The following NTN1 variants were observed in gnomAD, a reference collection of about 807,000 sequenced individuals.
NTN1 encodes netrin-1.
In NTN1, 11 loss-of-function variants were observed where a neutral mutation model predicts 54.2. The observed-to-expected ratio is 0.20, with a 90% CI of 0.13 to 0.34. The LOEUF (loss-of-function observed/expected upper bound fraction) is 0.34, where lower values mean the gene tolerates loss of function less well. NTN1 is among the 10% of genes least tolerant of loss of function. The probability of loss-of-function intolerance (pLI) is 1.00; values close to 1 mark genes in which losing one functional copy is unlikely to be tolerated. For synonymous variants in NTN1, 371 were observed against 382.0 expected, an observed-to-expected ratio of 0.97 and a Z score of 0.33; for missense variants, 740 against 893.1, an observed-to-expected ratio of 0.83 and a Z score of 2.18.
At chr17:9,072,054 C>T (rs1160288996) in intron 2 of NTN1, among the ~76,000 whole-genome samples, 1 of 152,134 alleles carries the variant, frequency 6.6e-6, no homozygotes, top group Non-Finnish European at 1.5e-5. Flanking sequence ...GGAGGGAAGC[C>T]GGGGCTGGGA....
chr17:9,009,250 G>C, the NTN1 span, among the ~76,000 whole-genome samples: 1 of 151,958 alleles, frequency 6.6e-6, no homozygotes. Flanking sequence ...AGTCCTCTTG[G>C]GCCTGCATCA....
intron 2 of NTN1, among the ~76,000 whole-genome samples, chr17:9,072,146 G>A (rs1455086295): frequency 6.6e-6 from 1 of 152,080 alleles, no homozygotes; most frequent in African/African-American, 2.4e-5. Flanking sequence ...CTTTCTCCAC[G>A]TGATCCATCA....
chr17:9,042,354 G>T (rs368306188), intron 2 of NTN1, among the ~76,000 whole-genome samples: 2 of 151,880 alleles, frequency 1.3e-5, no homozygotes, highest in African/African-American at 4.8e-5. Context: ...GTGTGATGGC[G>T]CGCCTCTCTA....
intron 2 of NTN1, among the ~76,000 whole-genome samples, chr17:9,097,287 C>T (rs1191887263): frequency 1.3e-5 from 2 of 152,138 alleles, no homozygotes; most frequent in African/African-American, 4.8e-5. Context: ...ATTTTGTGTC[C>T]TTCCAGACCT....
At chr17:9,067,510 A>C (rs150478167) in intron 2 of NTN1, among the ~76,000 whole-genome samples, 320 of 152,236 alleles carry the variant, frequency 2.1e-3, no homozygotes, top group African/African-American at 7.2e-3. Context: ...ACTTAAATGC[A>C]CCCGGGATAC....
At chr17:9,101,006 CCT>C (rs2092148803) in intron 2 of NTN1, among the ~76,000 whole-genome samples, 1 of 152,200 alleles carries the variant, frequency 6.6e-6, no homozygotes, top group Non-Finnish European at 1.5e-5. Flanking sequence ...ATCTCAAACT[CCT>C]CTTTCTCCAT....
chr17:9,072,652 G>A (rs2142216752), intron 2 of NTN1, among the ~76,000 whole-genome samples: 1 of 152,288 alleles, frequency 6.6e-6, no homozygotes, highest in East Asian at 1.9e-4. Flanking sequence ...GGAATGCAGC[G>A]GTGATGGGAA....
chr17:9,058,635 C>T (rs1439083966), intron 2 of NTN1, among the ~76,000 whole-genome samples: 2 of 26,492 alleles, frequency 7.5e-5, no homozygotes, highest in African/African-American at 4.1e-4. Flanking sequence ...ATGGTAGGCA[C>T]TCAAAAAAAA....
chr17:9,066,416 C>CAGG (rs2092015128), intron 2 of NTN1, among the ~76,000 whole-genome samples: 1 of 151,496 alleles, frequency 6.6e-6, no homozygotes, highest in African/African-American at 2.4e-5. Flanking sequence ...ATCACAAGGT[C>CAGG]AGGAGTCTGA....
At chr17:9,190,921 T>C (rs1031021783) in intron 5 of NTN1, among the ~76,000 whole-genome samples, 2 of 152,134 alleles carry the variant, frequency 1.3e-5, no homozygotes, top group Non-Finnish European at 2.9e-5. Context: ...AAGTTGTGAC[T>C]GTGAGTCAGT....
In NTN1 at chr17:9,221,148, C is replaced by CCA; in HGVS notation, c.1412-19_1412-18insAC. 2 of 1,204,844 alleles carry CCA rather than the reference C, an allele frequency of 1.7e-6. No homozygotes were observed. 74.6% of individuals were successfully genotyped at this position (1,204,844 alleles called of 1,614,324 possible). On this transcript the variant is annotated intron_variant, in intron 5 of 6. Coordinates refer to ENST00000173229, the MANE Select transcript of NTN1 (RefSeq NM_004822.3). The surrounding 1 kb of genome is among the most constrained non-coding windows in gnomAD (Gnocchi z 4.5). Reference sequence around the variant, plus strand: ...AGCCTAATTAGTTTTTGTCTGTGCTCCCCCCCCACCCCCCTGCAGACTGCG... The same window carrying CCA: ...AGCCTAATTAGTTTTTGTCTGTGCTCCACCCCCCCACCCCCCTGCAGACTGCG...
chr17:9,039,820 A>C (rs556787527), intron 2 of NTN1, among the ~76,000 whole-genome samples: 1 of 152,340 alleles, frequency 6.6e-6, no homozygotes, highest in African/African-American at 2.4e-5. Flanking sequence ...GTGCATTAAT[A>C]GTTCAATCCT....
At chr17:9,022,194 G>A (rs1269241131) in intron 1 of NTN1, 117 bp from the exon 2 acceptor site, 4 of 667,132 alleles carry the variant, frequency 6.0e-6, no homozygotes, top group South Asian at 7.5e-5. Context: ...GCGGGCAGTC[G>A]GCTGCGGGGT....
chr17:9,017,761 T>C (rs2091834937), upstream of NTN1, among the ~76,000 whole-genome samples: 2 of 152,260 alleles, frequency 1.3e-5, no homozygotes, highest in East Asian at 3.9e-4. Context: ...CCTTCACGGG[T>C]GTGTATTTAT....
At chr17:9,110,495 C>T (rs1175529393) in intron 2 of NTN1, among the ~76,000 whole-genome samples, 2 of 152,066 alleles carry the variant, frequency 1.3e-5, no homozygotes, top group Non-Finnish European at 2.9e-5. Flanking sequence ...GTCTTGAGCT[C>T]CTGATCTCAG....
rs1257787451 is a variant in NTN1 at position 9,135,336 on chromosome 17, T to C, written c.1019-27477T>C. ...CTTTGCACAGTCCTGAACCTGTGTCTGGCTCTTGCTTCCCCTGCAGCCATC... is the reference window on the plus strand; with the variant it reads ...CTTTGCACAGTCCTGAACCTGTGTCCGGCTCTTGCTTCCCCTGCAGCCATC... On this transcript the variant is annotated intron_variant, in intron 2 of 6. Coordinates refer to ENST00000173229, the MANE Select transcript of NTN1 (RefSeq NM_004822.3). This position sits in a 1 kb window ranked among gnomAD's most constrained non-coding sequence, Gnocchi z 4.4. Among the ~76,000 whole-genome samples the C allele has an allele frequency of 6.6e-6, 1 of 152,226 alleles. No homozygotes were observed. The highest frequency in any genetic ancestry group is 1.5e-5 in the Non-Finnish European group (1 of 68,048).
chr17:9,007,913 C>A, the NTN1 span, among the ~76,000 whole-genome samples: 56 of 151,942 alleles, frequency 3.7e-4, no homozygotes, highest in South Asian at 2.5e-3. Context: ...TATTATTATT[C>A]TTATTATTTT....
intron 6 of NTN1, among the ~76,000 whole-genome samples, chr17:9,237,299 T>A (rs898745670): frequency 6.6e-6 from 1 of 152,210 alleles, no homozygotes; most frequent in African/African-American, 2.4e-5. Flanking sequence ...CCTCTGTGTG[T>A]CTGTGTCCTC....
At chr17:9,112,598 G>T (rs915769727) in intron 2 of NTN1, among the ~76,000 whole-genome samples, 7 of 145,444 alleles carry the variant, frequency 4.8e-5, no homozygotes, top group Non-Finnish European at 9.1e-5. Flanking sequence ...GGCCGAGGCA[G>T]GCGGATCACG....
Sources: gnomAD v4.1 joint callset for allele counts (sites outside exome capture counted in the v4.1 genomes callset) on GRCh38, gnomAD v4.1.1 for gene constraint, Gnocchi (gnomAD v3.1) non-coding constraint, MANE v1.5 for transcripts, NCBI Gene and HGNC (gene_info 2026-07-23, HGNC 2026-07-21) for gene names.